MARK3: variants seen among roughly 807,000 people sequenced by gnomAD.
The protein encoded by MARK3 is microtubule affinity regulating kinase 3, also known as MAP/microtubule affinity-regulating kinase 3.
Under a neutral mutation model 90.1 loss-of-function variants are expected in MARK3, and 46 were observed. The ratio of observed to expected loss-of-function variants is 0.51; its 90% CI spans 0.40 to 0.65. MARK3 has a LOEUF of 0.65. Among genes scored for constraint, MARK3 ranks in the 30% least tolerant of loss-of-function variants. MARK3 has a pLI of 0.00. For missense variants in MARK3, 818 were observed against 947.2 expected, an observed-to-expected ratio of 0.86 and a Z score of 1.79; for synonymous variants, 321 against 332.6, an observed-to-expected ratio of 0.97 and a Z score of 0.38.
intron 1 of MARK3, among the ~76,000 whole-genome samples, chr14:103,400,299 A>G (rs2090874805): frequency 6.6e-6 from 1 of 152,134 alleles, no homozygotes; most frequent in South Asian, 2.1e-4. Context: ...GTAGACTTTA[A>G]CTAATGAGAA....
At chr14:103,427,012 A>T (rs936086072) in intron 2 of MARK3, among the ~76,000 whole-genome samples, 1 of 152,160 alleles carries the variant, frequency 6.6e-6, no homozygotes, top group Non-Finnish European at 1.5e-5. Flanking sequence ...AAGATTTGCT[A>T]CATTGCATAT....
At chr14:103,401,034 AATTG>A (rs2090936919) in intron 1 of MARK3, among the ~76,000 whole-genome samples, 1 of 149,340 alleles carries the variant, frequency 6.7e-6, no homozygotes. Flanking sequence ...TGTATGAAAT[AATTG>A]ATTAACAGTA....
chr14:103,416,203 TA>T (rs1056868299), intron 2 of MARK3, among the ~76,000 whole-genome samples: 4 of 152,238 alleles, frequency 2.6e-5, no homozygotes, highest in African/African-American at 9.6e-5. Flanking sequence ...ACACATATAA[TA>T]TAATGTATTA....
At chr14:103,476,336 TGAA>T (rs1203584481) in intron 13 of MARK3, among the ~76,000 whole-genome samples, 3 of 152,190 alleles carry the variant, frequency 2.0e-5, no homozygotes, top group Non-Finnish European at 4.4e-5. Flanking sequence ...GCTCTAATGA[TGAA>T]GAGTGTTGGC....
chr14:103,389,590 T>G (rs1233509163), intron 1 of MARK3, among the ~76,000 whole-genome samples: 1 of 72 alleles, frequency 0.014, no homozygotes, highest in Non-Finnish European at 0.026. Flanking sequence ...GTACACTAAT[T>G]TGTTTTTGTT....
intron 2 of MARK3, 67 bp from the exon 3 acceptor site, chr14:103,428,320 T>A (rs2092475364): frequency 1.2e-6 from 1 of 812,730 alleles, no homozygotes; most frequent in Non-Finnish European, 1.9e-6. Flanking sequence ...ATGCCATATA[T>A]CTTGGCATTT....
chr14:103,436,789 A>G (rs1332245300), intron 3 of MARK3, among the ~76,000 whole-genome samples: 2 of 152,080 alleles, frequency 1.3e-5, no homozygotes, highest in African/African-American at 4.8e-5. Flanking sequence ...GATTATACAT[A>G]TTTAAAATAT....
chr14:103,497,344 A>G (rs1279134003), intron 15 of MARK3, among the ~76,000 whole-genome samples: 1 of 152,256 alleles, frequency 6.6e-6, no homozygotes, highest in African/African-American at 2.4e-5. Flanking sequence ...CATTCAGCAG[A>G]TATAGATGAC....
At chr14:103,394,380 C>T (rs756390792) in intron 1 of MARK3, among the ~76,000 whole-genome samples, 8 of 152,174 alleles carry the variant, frequency 5.3e-5, no homozygotes, top group Admixed American at 3.3e-4. Context: ...TCTGCACCTG[C>T]TTGTACAGAA....
At chr14:103,452,166 C>T (rs1158911968) in intron 5 of MARK3, among the ~76,000 whole-genome samples, 183 bp downstream of exon 5, 13 of 152,104 alleles carry the variant, frequency 8.5e-5, no homozygotes, top group Non-Finnish European at 1.5e-4. Flanking sequence ...AAGTGTTTCA[C>T]TATTAGCATT....
At chr14:103,454,240 A>C (rs1254477381) in intron 5 of MARK3, among the ~76,000 whole-genome samples, 1 of 150,838 alleles carries the variant, frequency 6.6e-6, no homozygotes, top group Non-Finnish European at 1.5e-5. Flanking sequence ...GTGGTTCTGT[A>C]TTACCTTGGG....
intron 6 of MARK3, among the ~76,000 whole-genome samples, chr14:103,461,852 CGTG>C (rs1340998074): frequency 6.6e-6 from 1 of 152,030 alleles, no homozygotes; most frequent in African/African-American, 2.4e-5. Context: ...GCCTGGCCAA[CGTG>C]GTGAAACCCC....
At chr14:103,438,529 G>A (rs1438601288) in intron 3 of MARK3, among the ~76,000 whole-genome samples, 1 of 152,114 alleles carries the variant, frequency 6.6e-6, no homozygotes. Flanking sequence ...GCTTGCATGT[G>A]GTAGATACCT....
In MARK3 at chr14:103,396,197, A is replaced by T. The variant is rs541333328; in HGVS notation, c.52-8879A>T. On this transcript the variant is annotated intron_variant, in intron 1 of 17. Coordinates refer to ENST00000429436, the MANE Select transcript of MARK3 (RefSeq NM_001128918.3). ...CGGGGGTCTGTTATTTAACAGACTGATAGATCTTCTTGTTTCAGGCTTACT... is the reference window on the plus strand; with the variant it reads ...CGGGGGTCTGTTATTTAACAGACTGTTAGATCTTCTTGTTTCAGGCTTACT... Among the ~76,000 whole-genome samples the T allele has an allele frequency of 2.0e-5, 3 of 152,248 alleles. No homozygotes were observed. The South Asian group carries it at 6.2e-4, about 32-fold the overall frequency.
At chr14:103,413,318 C>CA (rs965840554) in intron 2 of MARK3, among the ~76,000 whole-genome samples, 3 of 151,376 alleles carry the variant, frequency 2.0e-5, no homozygotes, top group Non-Finnish European at 2.9e-5. Flanking sequence ...GTAAATGGAA[C>CA]TTTTTTTTCC....
chr14:103,489,008 C>T (rs1347851247), intron 14 of MARK3, among the ~76,000 whole-genome samples: 4 of 152,192 alleles, frequency 2.6e-5, no homozygotes, highest in Non-Finnish European at 5.9e-5. Context: ...TTTCTGCTTA[C>T]ACTGGTGGGG....
At chr14:103,467,674 CAAAAAA>C (rs10525116) in intron 11 of MARK3, 44 of 44,938 alleles carry the variant, frequency 9.8e-4, no homozygotes, top group African/African-American at 2.5e-3. Flanking sequence ...GACTCTGTCT[CAAAAAA>C]AAAAAAAAAA....
rs114956202 is a variant in MARK3 at position 103,458,645 on chromosome 14, A to G, written c.483+1433A>G. The stretch of plus-strand genomic sequence containing the variant: ...TTCACTGCTTTTAAATTAATTCTGT[A>G]TTCTCACAAGGCCTACATTGAAATG... On this transcript the variant is annotated intron_variant, in intron 6 of 17. Transcript: ENST00000429436. 4.8e-3 allele frequency: 2,742 copies of G among 574,718 alleles called. 63 individuals carry two copies. The highest frequency in any genetic ancestry group is 0.046 in the African/African-American group (2,409 of 52,432). 35.6% of individuals were successfully genotyped at this position (574,718 alleles called of 1,614,324 possible). A position where few individuals can be genotyped will look rare whatever the true frequency, so the allele number is the denominator to read the frequency against.
rs1280825455 is a variant in MARK3, at chr14:103,462,466, G to C, written c.540+5G>C. 6.3e-7 allele frequency: 1 copy of C among 1,597,610 alleles called. No homozygotes were observed. The highest frequency in any genetic ancestry group is 8.6e-7 in the Non-Finnish European group (1 of 1,166,618). ...ATCGTACATCGAGACCTCAAGGTGAGTAGAAGTGCCTCACTCAGTGTATGC... is the reference window on the plus strand; with the variant it reads ...ATCGTACATCGAGACCTCAAGGTGACTAGAAGTGCCTCACTCAGTGTATGC... On this transcript the variant is annotated splice_donor_5th_base_variant and intron_variant, in intron 7 of 17. Transcript: ENST00000429436.
Sources: gnomAD v4.1 joint callset for allele counts (sites outside exome capture counted in the v4.1 genomes callset) on GRCh38, gnomAD v4.1.1 for gene constraint, MANE v1.5 for transcripts, NCBI Gene and HGNC (gene_info 2026-07-23, HGNC 2026-07-21) for gene names.